Variants in NBDY observed in about 807,000 individuals in gnomAD.
NBDY encodes the protein P-body dissociating protein.
intron 2 of NBDY, among the ~76,000 whole-genome samples, chrX:56,764,606 A>G (rs1212836548): frequency 1.9e-5 from 2 of 107,667 alleles, no homozygotes; most frequent in Non-Finnish European, 3.8e-5. Context: ...CTTCCACTAG[A>G]TGGCAATGTG....
At chrX:56,755,669 A>T (rs1237843207) in intron 2 of NBDY, among the ~76,000 whole-genome samples, 9 of 110,987 alleles carry the variant, frequency 8.1e-5, no homozygotes, top group African/African-American at 2.9e-4. Flanking sequence ...GTGGAGAAAT[A>T]GGAACACTTT....
chrX:56,794,202 C>T, intron 2 of NBDY, among the ~76,000 whole-genome samples: 1 of 111,749 alleles, frequency 8.9e-6, no homozygotes, highest in Non-Finnish European at 1.9e-5. Flanking sequence ...AACCCTGGCT[C>T]AGGCAGAGTC....
chrX:56,782,170 C>T (rs1231535071), intron 2 of NBDY, among the ~76,000 whole-genome samples: 1 of 111,505 alleles, frequency 9.0e-6, no homozygotes, highest in Non-Finnish European at 1.9e-5. Context: ...CTAGATCCTT[C>T]AGGACAGCTA....
chrX:56,801,378 C>T (rs770993421), intron 2 of NBDY, among the ~76,000 whole-genome samples: 1 of 108,237 alleles, frequency 9.2e-6, no homozygotes, highest in Non-Finnish European at 1.9e-5. Flanking sequence ...TCTCATTTTT[C>T]TCTTCTTTCT....
intron 2 of NBDY, among the ~76,000 whole-genome samples, chrX:56,781,310 C>T (rs966832048): frequency 9.8e-5 from 11 of 111,868 alleles, no homozygotes; most frequent in Non-Finnish European, 9.4e-5. Context: ...ACGTTCCCTC[C>T]TGTTCATTTT....
At chrX:56,796,984 T>C (rs1431816051) in intron 2 of NBDY, among the ~76,000 whole-genome samples, 2 of 111,291 alleles carry the variant, frequency 1.8e-5, no homozygotes, top group Admixed American at 9.5e-5. Context: ...ACCTCCCACT[T>C]CCTATTCTTT....
intron 2 of NBDY, among the ~76,000 whole-genome samples, chrX:56,750,212 A>G (rs927501809): frequency 9.0e-6 from 1 of 111,430 alleles, no homozygotes; most frequent in African/African-American, 3.3e-5. Context: ...AGGTTACCAT[A>G]GTTCTAATTC....
At chrX:56,755,220 A>G (rs1424791025) in intron 2 of NBDY, among the ~76,000 whole-genome samples, 1 of 112,413 alleles carries the variant, frequency 8.9e-6, no homozygotes, top group Admixed American at 9.4e-5. Context: ...CATTCACGAC[A>G]TAGGCATGGG....
intron 2 of NBDY, among the ~76,000 whole-genome samples, chrX:56,748,852 A>T (rs1241555329): frequency 1.0e-5 from 1 of 99,800 alleles, no homozygotes; most frequent in Non-Finnish European, 2.0e-5. Context: ...CTGGCATACG[A>T]GATGGGATGA....
intron 2 of NBDY, among the ~76,000 whole-genome samples, chrX:56,813,307 A>G (rs2069896123): frequency 1.8e-5 from 2 of 110,938 alleles, no homozygotes; most frequent in African/African-American, 6.6e-5. Flanking sequence ...TAAATGTCCA[A>G]TCCTGAGCCA....
chrX:56,746,614 G>A (rs1602651689), intron 2 of NBDY, among the ~76,000 whole-genome samples: 1 of 110,520 alleles, frequency 9.0e-6, no homozygotes, highest in Non-Finnish European at 1.9e-5. Context: ...GATATGTCCT[G>A]CTCATTTGGT....
At chrX:56,731,450 A>C (rs1478963927) in intron 1 of NBDY, among the ~76,000 whole-genome samples, 4 of 108,445 alleles carry the variant, frequency 3.7e-5, no homozygotes, top group African/African-American at 1.0e-4. Context: ...GTGTGCCTAT[A>C]ATCCCAGCTA....
rs144868947 is a variant in NBDY, at chrX:56,757,472, G to T, written c.*166+25273G>T. 9.7e-4 allele frequency among the ~76,000 whole-genome samples: 109 copies of T among 111,911 alleles called. 1 individual carries two copies. The East Asian group carries it at 0.021, about 21-fold the overall frequency. ...CTTCGCTTCGTGCACCATCAATTCA[G>T]TGGCCCTTTGCAGTGAGCACTTGAC... On this transcript the variant is annotated intron_variant, in intron 2 of 2. Coordinates refer to ENST00000374922, the MANE Select transcript of NBDY (RefSeq NM_001348129.2).
intron 2 of NBDY, among the ~76,000 whole-genome samples, chrX:56,753,186 A>G (rs2069594204): frequency 8.9e-6 from 1 of 112,373 alleles, no homozygotes; most frequent in Non-Finnish European, 1.9e-5. Context: ...TTACTAAACC[A>G]TGCACCTGTT....
intron 2 of NBDY, among the ~76,000 whole-genome samples, chrX:56,740,281 T>C (rs2069525438): frequency 8.9e-6 from 1 of 112,180 alleles, no homozygotes. Flanking sequence ...AGTCATTGTA[T>C]ATAGCTGTTT....
rs1011294790 is a variant in NBDY, at chrX:56,764,245, C to T, written c.*166+32046C>T. ...TTGTTCCCCGGGAGGATCGGGGCCC[C>T]CTTGCCAACACGTGGCTCCAGCCAA... On this transcript the variant is annotated intron_variant, in intron 2 of 2. Coordinates refer to ENST00000374922, the MANE Select transcript of NBDY (RefSeq NM_001348129.2). Among the ~76,000 whole-genome samples the T allele has an allele frequency of 4.4e-5, 5 of 112,493 alleles. No individual in the cohort carries two copies. The Admixed American group carries it at 4.7e-4, about 10-fold the overall frequency.
At chrX:56,799,043 C>T (rs2069808586) in intron 2 of NBDY, among the ~76,000 whole-genome samples, 1 of 112,011 alleles carries the variant, frequency 8.9e-6, no homozygotes, top group South Asian at 3.7e-4. Flanking sequence ...TGCTGAGGAA[C>T]GCTCGGGAGT....
chrX:56,766,774 A>C (rs150413764), intron 2 of NBDY, among the ~76,000 whole-genome samples: 344 of 112,042 alleles, frequency 3.1e-3, no homozygotes, highest in African/African-American at 0.01. Context: ...CAAGCTGCTT[A>C]AAAAGGGCCC....
chrX:56,794,961 A>C (rs2069784873), intron 2 of NBDY, among the ~76,000 whole-genome samples: 1 of 111,821 alleles, frequency 8.9e-6, no homozygotes, highest in Admixed American at 9.4e-5. Flanking sequence ...CTCTCACTGG[A>C]GCCCAGGCAC....
Sources: gnomAD v4.1 joint callset for allele counts (sites outside exome capture counted in the v4.1 genomes callset) on GRCh38, gnomAD v4.1.1 for gene constraint, MANE v1.5 for transcripts, NCBI Gene and HGNC (gene_info 2026-07-23, HGNC 2026-07-21) for gene names.